The following IQUB variants were observed in gnomAD, a reference collection of about 807,000 sequenced individuals.
IQUB encodes the protein IQ motif and ubiquitin domain containing, also known as IQ motif and ubiquitin-like domain-containing protein.
IQUB carries 86 observed loss-of-function variants against 86.4 expected under a neutral mutation model. That is an observed-to-expected ratio of 1.00 (90% CI 0.84 to 1.19). The LOEUF (loss-of-function observed/expected upper bound fraction) is 1.19, where lower values mean the gene tolerates loss of function less well. Among genes scored for constraint, IQUB ranks in the 50% most tolerant of loss-of-function variants. The probability of loss-of-function intolerance (pLI) is 0.00; values close to 1 mark genes in which losing one functional copy is unlikely to be tolerated. For synonymous variants in IQUB, 289 were observed against 304.5 expected (o/e 0.95, Z 0.53); for missense variants, 946 against 916.9 (o/e 1.03, Z -0.41).
chr7:123,463,719 A>AT lies in IQUB; in HGVS notation c.1758+1113dup, dbSNP rs1794110821. Among the ~76,000 whole-genome samples, 5 of 151,796 alleles carry AT rather than the reference A, an allele frequency of 3.3e-5. No homozygotes were observed. In the South Asian group the frequency reaches 1.0e-3, roughly 31 times the overall value. On this transcript the variant is annotated intron_variant, in intron 10 of 12. Coordinates refer to ENST00000324698, the MANE Select transcript of IQUB (RefSeq NM_178827.5). ...TTATTTTGACTGTGCTACTGGTTAC[A>AT]TGACTCTATACATTTTTCAGAACTT...
intron 3 of IQUB, among the ~76,000 whole-genome samples, chr7:123,509,396 T>A (rs1291268650): frequency 6.6e-6 from 1 of 152,142 alleles, no homozygotes; most frequent in Non-Finnish European, 1.5e-5. Flanking sequence ...ACACATTCTC[T>A]TTCATCATCC....
chr7:123,502,707 A>G lies in IQUB; in HGVS notation c.913T>C (p.Ser305Pro). The change falls in exon 6 of 13, where the codon TCC becomes CCC. Residue 305 changes from serine to proline, a missense_variant. Coordinates refer to ENST00000324698, the MANE Select transcript of IQUB (RefSeq NM_178827.5). ...KNLQQTTNTT[S>P]TQMTNIGVYV... ...ACACCAATGTTAGTCATCTGTGTGGATGTTGTATTTGTAGTTTGTTGGAGA... is the reference window on the plus strand; with the variant it reads ...ACACCAATGTTAGTCATCTGTGTGGGTGTTGTATTTGTAGTTTGTTGGAGA... The G allele has an allele frequency of 6.2e-7, 1 of 1,606,930 alleles. No individual in the cohort carries two copies. The highest frequency in any genetic ancestry group is 8.5e-7 in the Non-Finnish European group (1 of 1,177,922).
At chr7:123,461,888 GA>G (rs938835631) in intron 10 of IQUB, among the ~76,000 whole-genome samples, 1 of 151,456 alleles carries the variant, frequency 6.6e-6, no homozygotes, top group South Asian at 2.1e-4. Context: ...TTAATTGACT[GA>G]AAAAAATAGT....
rs532606680 is a variant in IQUB at position 123,522,761 on chromosome 7, C to G, written c.-4-10417G>C. On this transcript the variant is annotated intron_variant, in intron 1 of 12. Coordinates refer to ENST00000324698, the MANE Select transcript of IQUB (RefSeq NM_178827.5). ...GTACATGTGCACAATGTGCAGGTTA[C>G]TTACATATGTATACGTGTGACATGC... Among the ~76,000 whole-genome samples, 2 of 152,106 alleles carry G rather than the reference C, an allele frequency of 1.3e-5. 1 individual carries two copies. Among genetic ancestry groups the G allele is most frequent in the African/African-American group, 4.8e-5 (2 of 41,500 alleles).
intron 1 of IQUB, among the ~76,000 whole-genome samples, chr7:123,528,837 T>C (rs1797386260): frequency 6.6e-6 from 1 of 152,192 alleles, no homozygotes; most frequent in Non-Finnish European, 1.5e-5. Context: ...TTTTCACCCA[T>C]CTAGAACAAG....
At chr7:123,466,094 T>C (rs910186761) in intron 9 of IQUB, among the ~76,000 whole-genome samples, 1 of 152,076 alleles carries the variant, frequency 6.6e-6, no homozygotes, top group Non-Finnish European at 1.5e-5. Context: ...TCTACATACA[T>C]GTAGATAGAT....
intron 1 of IQUB, among the ~76,000 whole-genome samples, chr7:123,521,552 T>C (rs750223781): frequency 6.6e-6 from 1 of 151,780 alleles, no homozygotes; most frequent in Non-Finnish European, 1.5e-5. Context: ...GAGGCTGAGG[T>C]TGGAAGATCG....
At chr7:123,500,266 C>A (rs562868576) in intron 6 of IQUB, among the ~76,000 whole-genome samples, 21 of 152,202 alleles carry the variant, frequency 1.4e-4, no homozygotes, top group South Asian at 2.1e-4. Context: ...GTGGGAGATC[C>A]AAGAACCCTC....
rs1794070087 is a variant in IQUB, at chr7:123,462,938, A to G, written c.1759-1333T>C. The G allele has an allele frequency of 1.8e-5, 7 of 399,462 alleles. No individual in the cohort carries two copies. In the East Asian group the frequency reaches 3.6e-4, roughly 21 times the overall value. 24.7% of individuals were successfully genotyped at this position (399,462 alleles called of 1,614,324 possible). On this transcript the variant is annotated intron_variant, in intron 10 of 12. Coordinates refer to ENST00000324698, the MANE Select transcript of IQUB (RefSeq NM_178827.5). ...ACTCTACAAATTCTCCAGTGTACCT[A>G]CTCCCAAAAAGTGGTTGTGGGGGTA...
chr7:123,504,898 C>T (rs1430986241), intron 3 of IQUB, among the ~76,000 whole-genome samples: 1 of 152,182 alleles, frequency 6.6e-6, no homozygotes, highest in Non-Finnish European at 1.5e-5. Flanking sequence ...AGACCAAAGT[C>T]TCATCTGAGA....
At chr7:123,472,237 CAA>C (rs533129186) in intron 8 of IQUB, among the ~76,000 whole-genome samples, 2 of 96,850 alleles carry the variant, frequency 2.1e-5, no homozygotes. Flanking sequence ...GACCCCAACT[CAA>C]AAAAAAAAAG....
At chr7:123,458,209 G>C (rs1297018910) in intron 11 of IQUB, 1 of 151,924 alleles carries the variant, frequency 6.6e-6, no homozygotes, top group Non-Finnish European at 1.5e-5. Flanking sequence ...TTTAAAAAAC[G>C]TAAATCTTAT....
intron 7 of IQUB, among the ~76,000 whole-genome samples, chr7:123,481,549 A>G (rs1215236202): frequency 6.6e-6 from 1 of 152,130 alleles, no homozygotes; most frequent in East Asian, 1.9e-4. Context: ...AATTTCTAAA[A>G]GATATAGTGC....
intron 10 of IQUB, among the ~76,000 whole-genome samples, chr7:123,463,553 C>G (rs1794100427): frequency 6.6e-6 from 1 of 151,718 alleles, no homozygotes; most frequent in South Asian, 2.1e-4. Flanking sequence ...TAGTATGATT[C>G]CATTTATATG....
chr7:123,518,022 G>C (rs1178777156), intron 1 of IQUB, among the ~76,000 whole-genome samples: 1 of 152,186 alleles, frequency 6.6e-6, no homozygotes, highest in Non-Finnish European at 1.5e-5. Flanking sequence ...CATGAGAGTT[G>C]ATCCAATAGG....
In IQUB at chr7:123,469,302, A is replaced by T. The variant is rs1794416797; in HGVS notation, c.1493T>A (p.Leu498Gln). The change falls in exon 9 of 13, where the codon CTG becomes CAG. Residue 498 changes from leucine to glutamine, a missense_variant. Physicochemically the swap from Leu to Gln is moderately radical, Grantham distance 113. Transcript: ENST00000324698. ...DTQFTIRARE[L>Q]QNIYKCIMLK... ...CATAATGCACTTATAGATATTTTGCAGCTCTCTGGCTCTGATGGTGAACTG... is the reference window on the plus strand; with the variant it reads ...CATAATGCACTTATAGATATTTTGCTGCTCTCTGGCTCTGATGGTGAACTG... 1 of 1,610,314 alleles carries T rather than the reference A, an allele frequency of 6.2e-7. No homozygotes were observed. The highest frequency in any genetic ancestry group is 1.1e-5 in the South Asian group (1 of 90,570).
intron 1 of IQUB, among the ~76,000 whole-genome samples, chr7:123,512,938 AG>A (rs1584634005): frequency 6.6e-6 from 1 of 152,310 alleles, no homozygotes; most frequent in African/African-American, 2.4e-5. Context: ...AGCATCTAAA[AG>A]CTTGGGCCAG....
intron 1 of IQUB, among the ~76,000 whole-genome samples, chr7:123,516,970 A>G (rs868371950): frequency 6.6e-6 from 1 of 152,134 alleles, no homozygotes; most frequent in African/African-American, 2.4e-5. Flanking sequence ...GGCCAGAGAA[A>G]AAGGACTTTA....
At chr7:123,513,186 T>C (rs1421277583) in intron 1 of IQUB, among the ~76,000 whole-genome samples, 1 of 152,080 alleles carries the variant, frequency 6.6e-6, no homozygotes, top group Non-Finnish European at 1.5e-5. Context: ...ATGGAGAAAA[T>C]AAATTCACCC....
Sources: gnomAD v4.1 joint callset for allele counts (sites outside exome capture counted in the v4.1 genomes callset) on GRCh38, gnomAD v4.1.1 for gene constraint, MANE v1.5 for transcripts, NCBI Gene and HGNC (gene_info 2026-07-23, HGNC 2026-07-21) for gene names.